SPACDR: variants seen among roughly 807,000 people sequenced by gnomAD.
SPACDR encodes uncharacterized protein C7orf61.
the SPACDR span, among the ~76,000 whole-genome samples, chr7:100,460,637 G>C: frequency 1.3e-5 from 2 of 151,070 alleles, no homozygotes; most frequent in Non-Finnish European, 3.0e-5. Flanking sequence ...CTGTTTTCCA[G>C]AGTTGCTGTG....
chr7:100,459,253 G>A, the SPACDR span, among the ~76,000 whole-genome samples: 4 of 151,092 alleles, frequency 2.6e-5, no homozygotes, highest in East Asian at 2.0e-4. Flanking sequence ...CTCGAGATCC[G>A]CCTGCCTCGG....
At chr7:100,458,195 GGTGT>G in the SPACDR span, among the ~76,000 whole-genome samples, 12,295 of 136,922 alleles carry the variant, frequency 0.09, 830 homozygotes, top group East Asian at 0.28. Flanking sequence ...TGTACTCACT[GGTGT>G]GTGTGTGTGT....
the SPACDR span, chr7:100,456,844 C>T: frequency 6.2e-7 from 1 of 1,613,336 alleles, no homozygotes; most frequent in Non-Finnish European, 8.5e-7. Context: ...CTGTGCCTCT[C>T]CTGCCTGCGG....
chr7:100,459,976 G>A, the SPACDR span, among the ~76,000 whole-genome samples: 1 of 150,634 alleles, frequency 6.6e-6, no homozygotes, highest in African/African-American at 2.4e-5. Flanking sequence ...TGCAAGCTCC[G>A]CCTCCCAGGT....
At chr7:100,458,450 G>T in the SPACDR span, among the ~76,000 whole-genome samples, 1 of 152,054 alleles carries the variant, frequency 6.6e-6, no homozygotes, top group Non-Finnish European at 1.5e-5. Context: ...ATCATCACAA[G>T]TGTCCCTCAT....
chr7:100,456,861 C>G, the SPACDR span: 1 of 1,613,444 alleles, frequency 6.2e-7, no homozygotes, highest in African/African-American at 1.3e-5. Flanking sequence ...GCGGTACAGC[C>G]GGCGCAGGTG....
chr7:100,463,910 C>A, the SPACDR span: 1 of 1,562,952 alleles, frequency 6.4e-7, no homozygotes, highest in Non-Finnish European at 8.7e-7. Flanking sequence ...GCTGCTGCGA[C>A]CCATGCCCTC....
At chr7:100,463,319 TG>T in the SPACDR span, 1 of 1,471,416 alleles carries the variant, frequency 6.8e-7, no homozygotes, top group Non-Finnish European at 9.2e-7. Context: ...GGTGAGTCAC[TG>T]GGGGCTGGGG....
chr7:100,463,905 T>C, the SPACDR span: 3 of 1,560,450 alleles, frequency 1.9e-6, no homozygotes, highest in Admixed American at 5.5e-5. Flanking sequence ...AAGGGGCTGC[T>C]GCGACCCATG....
At chr7:100,463,933 C>G in the SPACDR span, 1 of 1,597,942 alleles carries the variant, frequency 6.3e-7, no homozygotes, top group Admixed American at 1.7e-5. Flanking sequence ...CCCAGCGCAT[C>G]ATGAGGACAG....
At chr7:100,456,690 G>A in the SPACDR span, 3 of 1,029,062 alleles carry the variant, frequency 2.9e-6, no homozygotes, top group East Asian at 5.2e-5. Flanking sequence ...TGGAATGAAG[G>A]GGCTGATATG....
chr7:100,461,684 A>G, the SPACDR span, among the ~76,000 whole-genome samples: 1 of 151,298 alleles, frequency 6.6e-6, no homozygotes, highest in Non-Finnish European at 1.5e-5. Flanking sequence ...CTTTACCCTC[A>G]CTTCTGTTAA....
the SPACDR span, among the ~76,000 whole-genome samples, chr7:100,459,685 G>A: frequency 1.3e-5 from 2 of 152,080 alleles, no homozygotes; most frequent in African/African-American, 4.8e-5. Flanking sequence ...GGCTGGCCTC[G>A]AAACCCTGGG....
At chr7:100,462,014 C>T in the SPACDR span, among the ~76,000 whole-genome samples, 1 of 149,892 alleles carries the variant, frequency 6.7e-6, no homozygotes, top group Admixed American at 6.7e-5. Context: ...AAGGCCTCAC[C>T]TGACTCCTTA....
At chr7:100,458,206 G>A in the SPACDR span, among the ~76,000 whole-genome samples, 24 of 98,838 alleles carry the variant, frequency 2.4e-4, no homozygotes, top group African/African-American at 8.5e-4. Flanking sequence ...GTGTGTGTGT[G>A]TGTGTGTGTG....
chr7:100,464,239 C>A, the SPACDR span: 1 of 1,434,154 alleles, frequency 7.0e-7, no homozygotes, highest in African/African-American at 1.4e-5. Context: ...CTCCCTGGGA[C>A]AGGGAGAGGA....
At chr7:100,464,076 C>T in the SPACDR span, 159 of 74,300 alleles carry the variant, frequency 2.1e-3, no homozygotes, top group Admixed American at 0.025. Context: ...GCATTTGGTA[C>T]GGTGGGGGTG....
chr7:100,462,745 T>C, the SPACDR span, among the ~76,000 whole-genome samples: 1 of 147,532 alleles, frequency 6.8e-6, no homozygotes. Flanking sequence ...ACTCCTGGCC[T>C]CAAGTGATCC....
the SPACDR span, chr7:100,463,840 C>T: frequency 2.3e-6 from 3 of 1,312,812 alleles, no homozygotes; most frequent in Admixed American, 3.9e-5. Flanking sequence ...CCTTTCCTTC[C>T]TCCCCACTCC....
Sources: allele counts gnomAD v4.1 joint callset (sites outside exome capture counted in the v4.1 genomes callset), GRCh38; gene constraint gnomAD v4.1.1; transcripts MANE v1.5; gene names NCBI Gene and HGNC (gene_info 2026-07-23, HGNC 2026-07-21).